MEGF10: variants seen among roughly 807,000 people sequenced by gnomAD.
MEGF10 encodes the protein multiple epidermal growth factor-like domains protein 10.
Under a neutral mutation model 147.5 loss-of-function variants are expected in MEGF10, and 86 were observed. The observed-to-expected ratio is 0.58, with a 90% CI of 0.49 to 0.70. The LOEUF is 0.70. Among genes scored for constraint, MEGF10 ranks in the 30% least tolerant of loss-of-function variants. MEGF10 has a pLI of 0.00. For missense variants in MEGF10, 1,329 were observed against 1,487.3 expected (o/e 0.89, Z 1.75); for synonymous variants, 478 against 525.5 (o/e 0.91, Z 1.24).
chr5:127,402,396 A>G, intron 7 of MEGF10, 150 bp from the exon 8 acceptor site: 1 of 706,984 alleles, frequency 1.4e-6, no homozygotes, highest in Non-Finnish European at 2.2e-6. Flanking sequence ...GATGATGAAC[A>G]GTTTATGTGC....
chr5:127,327,936 C>T (rs552308620), intron 1 of MEGF10, among the ~76,000 whole-genome samples: 4 of 152,052 alleles, frequency 2.6e-5, no homozygotes, highest in East Asian at 1.9e-4. Context: ...AGGGTGGTTT[C>T]GAACTCCTGA....
intron 1 of MEGF10, among the ~76,000 whole-genome samples, chr5:127,305,777 T>C (rs1759985914): frequency 6.6e-6 from 1 of 152,220 alleles, no homozygotes. Flanking sequence ...CTAAAGTCCA[T>C]GGCTGCTATA....
chr5:127,434,923 C>T, intron 15 of MEGF10, 102 bp downstream of exon 15: 1 of 1,061,444 alleles, frequency 9.4e-7, no homozygotes, highest in Non-Finnish European at 1.3e-6. Flanking sequence ...ATGTTTTCAG[C>T]TGTCTGCTGG....
At chr5:127,242,828 G>A in the MEGF10 span, among the ~76,000 whole-genome samples, 281 of 152,106 alleles carry the variant, frequency 1.8e-3, 2 homozygotes, top group African/African-American at 6.5e-3. Flanking sequence ...CCAGATTCCT[G>A]GACCTCACAA....
chr5:127,282,886 G>A, the MEGF10 span, among the ~76,000 whole-genome samples: 1 of 152,182 alleles, frequency 6.6e-6, no homozygotes, highest in South Asian at 2.1e-4. Flanking sequence ...GATCTTGAGA[G>A]CATCATGTGA....
At chr5:127,358,060 A>G (rs75200056) in intron 4 of MEGF10, among the ~76,000 whole-genome samples, 2,648 of 152,260 alleles carry the variant, frequency 0.017, 64 homozygotes, top group Middle Eastern at 0.095. Flanking sequence ...TTCTCTTGAA[A>G]CTGTAGCACT....
Position 127,410,616 on chromosome 5 carries a change from C to T in MEGF10, c.1130+15C>T, listed in dbSNP as rs899558716. 31 of 1,584,478 alleles carry T rather than the reference C, an allele frequency of 2.0e-5. No individual in the cohort carries two copies. In the African/African-American group the frequency reaches 2.3e-4, roughly 12 times the overall value. The stretch of plus-strand genomic sequence containing the variant: ...AACACTCATAGGTGAGTGTCAGCTT[C>T]CCCTGGAAGGACGTGTCCTGTGAAA... On this transcript the variant is annotated intron_variant, in intron 9 of 24. Transcript: ENST00000503335.
At chr5:127,382,492 T>C (rs935028453) in intron 5 of MEGF10, among the ~76,000 whole-genome samples, 3 of 152,198 alleles carry the variant, frequency 2.0e-5, no homozygotes, top group African/African-American at 7.2e-5. Flanking sequence ...AAATTTTTGT[T>C]CATACATTAA....
intron 4 of MEGF10, among the ~76,000 whole-genome samples, chr5:127,354,810 T>A (rs1762219104): frequency 6.6e-6 from 1 of 152,194 alleles, no homozygotes. Flanking sequence ...TAACTCGGGA[T>A]CATATTGTCA....
the MEGF10 span, among the ~76,000 whole-genome samples, chr5:127,239,375 A>G: frequency 8.2e-6 from 1 of 121,878 alleles, no homozygotes; most frequent in African/African-American, 3.7e-5. Context: ...AGATGATGGA[A>G]GACACACACA....
Position 127,357,180 on chromosome 5 carries a change from C to T in MEGF10, c.320-12730C>T, listed in dbSNP as rs528615861. Among the ~76,000 whole-genome samples, 8 of 152,276 alleles carry T rather than the reference C, an allele frequency of 5.3e-5. No homozygotes were observed. The South Asian group carries it at 1.7e-3, about 32-fold the overall frequency. ...GCTGGAAGGCTATAATAGATACTTC[C>T]TTACCTTTGCTATGGCATGGAGGAG... On this transcript the variant is annotated intron_variant, in intron 4 of 24. Transcript: ENST00000503335.
the MEGF10 span, among the ~76,000 whole-genome samples, chr5:127,241,862 C>T: frequency 2.0e-5 from 3 of 152,156 alleles, no homozygotes; most frequent in East Asian, 1.9e-4. Flanking sequence ...CAGGGAGGCA[C>T]TGAGGAGCCC....
At chr5:127,290,272 T>C (rs10519930), upstream of MEGF10, among the ~76,000 whole-genome samples, 6,673 of 152,122 alleles carry the variant, frequency 0.044, 174 homozygotes, top group South Asian at 0.082. Context: ...CCATGTACTT[T>C]GCTGCCACAT....
intron 5 of MEGF10, among the ~76,000 whole-genome samples, chr5:127,389,966 G>A (rs911878228): frequency 6.6e-6 from 1 of 151,344 alleles, no homozygotes; most frequent in African/African-American, 2.5e-5. Context: ...CTGGCATGAT[G>A]TAAATGCCCA....
chr5:127,440,891 C>G, intron 18 of MEGF10, 24 bp downstream of exon 18: 1 of 1,605,238 alleles, frequency 6.2e-7, no homozygotes, highest in Non-Finnish European at 8.5e-7. Context: ...TGTGGCATCA[C>G]TGGGTGGTAT....
chr5:127,295,028 A>G (rs915166948), intron 1 of MEGF10, among the ~76,000 whole-genome samples: 3 of 152,088 alleles, frequency 2.0e-5, no homozygotes, highest in Non-Finnish European at 4.4e-5. Context: ...GGAAGTGCCA[A>G]TGCCAATAAA....
intron 20 of MEGF10, 114 bp from the exon 21 acceptor site, chr5:127,447,443 C>T (rs1218483512): frequency 1.6e-5 from 22 of 1,418,250 alleles, no homozygotes; most frequent in Non-Finnish European, 2.0e-5. Flanking sequence ...TCCCAAAGTG[C>T]TGGGATTACA....
chr5:127,304,307 A>G (rs1265840444), intron 1 of MEGF10, among the ~76,000 whole-genome samples: 1 of 152,138 alleles, frequency 6.6e-6, no homozygotes, highest in East Asian at 1.9e-4. Flanking sequence ...AGAGCCTGAG[A>G]GGTGACCTGA....
chr5:127,318,835 A>C (rs948333476), intron 1 of MEGF10, among the ~76,000 whole-genome samples: 5 of 152,194 alleles, frequency 3.3e-5, no homozygotes, highest in Admixed American at 1.3e-4. Flanking sequence ...CAGAACTTTT[A>C]AAAAATAACA....
Sources: gnomAD v4.1 joint callset for allele counts (sites outside exome capture counted in the v4.1 genomes callset) on GRCh38, gnomAD v4.1.1 for gene constraint, MANE v1.5 for transcripts, NCBI Gene and HGNC (gene_info 2026-07-23, HGNC 2026-07-21) for gene names.